The following PELI2 variants were observed in gnomAD, a reference collection of about 807,000 sequenced individuals.
PELI2 encodes the protein pellino E3 ubiquitin protein ligase family member 2.
In PELI2, 23 loss-of-function variants were observed where a neutral mutation model predicts 42.3. The observed-to-expected ratio is 0.54, with a 90% confidence interval of 0.39 to 0.77. The LOEUF (loss-of-function observed/expected upper bound fraction) is 0.77, where lower values mean the gene tolerates loss of function less well. PELI2 is among the 30% of genes least tolerant of loss of function. The pLI is 0.00. For synonymous variants in PELI2, 245 were observed against 212.2 expected (o/e 1.15, Z -1.34); for missense variants, 463 against 553.2 (o/e 0.84, Z 1.64).
At chr14:56,207,690 C>T (rs900451443) in intron 2 of PELI2, among the ~76,000 whole-genome samples, 3 of 152,312 alleles carry the variant, frequency 2.0e-5, no homozygotes, top group African/African-American at 7.2e-5. Flanking sequence ...TACAGAGCCC[C>T]TCACTCCAGG....
At chr14:56,119,578 G>C (rs1882988125) in intron 1 of PELI2, 3 of 160,536 alleles carry the variant, frequency 1.9e-5, no homozygotes, top group Non-Finnish European at 4.0e-5. Flanking sequence ...ATCGTTAAAC[G>C]GCAGCAATTA....
chr14:56,218,910 T>C (rs1248359260), intron 2 of PELI2, among the ~76,000 whole-genome samples: 1 of 152,150 alleles, frequency 6.6e-6, no homozygotes, highest in African/African-American at 2.4e-5. Flanking sequence ...TTTTCAGAGG[T>C]GGTAACTATG....
intron 2 of PELI2, among the ~76,000 whole-genome samples, chr14:56,196,760 T>C (rs1190324086): frequency 6.6e-6 from 1 of 152,260 alleles, no homozygotes; most frequent in Non-Finnish European, 1.5e-5. Context: ...ATATTTAAAT[T>C]CCTTGCCTAT....
At chr14:56,229,660 T>C (rs868392532) in intron 2 of PELI2, among the ~76,000 whole-genome samples, 1 of 152,094 alleles carries the variant, frequency 6.6e-6, no homozygotes, top group African/African-American at 2.4e-5. Context: ...GCAGAAAAGC[T>C]GAAAATTCTA....
At chr14:56,221,913 C>G (rs1887147084) in intron 2 of PELI2, among the ~76,000 whole-genome samples, 1 of 152,136 alleles carries the variant, frequency 6.6e-6, no homozygotes, top group Non-Finnish European at 1.5e-5. Context: ...ATGTGACAGC[C>G]ACGAGAGGAA....
chr14:56,226,332 C>G (rs569426961), intron 2 of PELI2, among the ~76,000 whole-genome samples: 2 of 152,314 alleles, frequency 1.3e-5, no homozygotes, highest in South Asian at 4.1e-4. Flanking sequence ...ATCAGCCTCA[C>G]TGGCCAGCCC....
chr14:56,230,776 A>G (rs1887532231), intron 2 of PELI2, among the ~76,000 whole-genome samples: 4 of 152,250 alleles, frequency 2.6e-5, no homozygotes, highest in Admixed American at 2.6e-4. Context: ...TAAATGGGCT[A>G]AATGTTCCAA....
At chr14:56,124,583 T>A (rs1199026877) in intron 1 of PELI2, among the ~76,000 whole-genome samples, 1 of 152,224 alleles carries the variant, frequency 6.6e-6, no homozygotes, top group Non-Finnish European at 1.5e-5. Flanking sequence ...CCCAAATATT[T>A]GAGCATCTGC....
intron 1 of PELI2, among the ~76,000 whole-genome samples, chr14:56,146,094 C>T (rs941564527): frequency 6.6e-6 from 1 of 152,124 alleles, no homozygotes; most frequent in Non-Finnish European, 1.5e-5. Flanking sequence ...TGACTCATCC[C>T]GGCAGAGGTT....
At chr14:56,135,045 C>G (rs3783655) in intron 1 of PELI2, among the ~76,000 whole-genome samples, 1 of 151,968 alleles carries the variant, frequency 6.6e-6, no homozygotes, top group Admixed American at 6.6e-5. Context: ...TTAAAAATTA[C>G]GTGTATAGTG....
At chr14:56,245,528 A>G (rs1445195952) in intron 2 of PELI2, among the ~76,000 whole-genome samples, 2 of 152,214 alleles carry the variant, frequency 1.3e-5, no homozygotes, top group Admixed American at 6.5e-5. Flanking sequence ...CTGGTTGGCA[A>G]AATTTGGAAT....
At chr14:56,193,689 A>G (rs1886031441) in intron 2 of PELI2, among the ~76,000 whole-genome samples, 1 of 152,256 alleles carries the variant, frequency 6.6e-6, no homozygotes, top group Non-Finnish European at 1.5e-5. Context: ...AAATATGTTA[A>G]TGACCAATAT....
chr14:56,129,039 C>T (rs1438658539), intron 1 of PELI2, among the ~76,000 whole-genome samples: 1 of 152,018 alleles, frequency 6.6e-6, no homozygotes, highest in Non-Finnish European at 1.5e-5. Context: ...TATCCAGTGC[C>T]TTTGGAATTG....
At chr14:56,119,749 G>C in intron 1 of PELI2, 1 of 977,096 alleles carries the variant, frequency 1.0e-6, no homozygotes, top group Non-Finnish European at 1.2e-6. Flanking sequence ...AACAACTTGG[G>C]TTTAGTGTTG....
At chr14:56,149,207 A>G (rs1884245769) in intron 1 of PELI2, among the ~76,000 whole-genome samples, 1 of 152,232 alleles carries the variant, frequency 6.6e-6, no homozygotes, top group Non-Finnish European at 1.5e-5. Flanking sequence ...AATAAAATTG[A>G]AACGAGTTGT....
intron 2 of PELI2, among the ~76,000 whole-genome samples, chr14:56,246,758 A>C (rs1888176252): frequency 6.6e-6 from 1 of 152,220 alleles, no homozygotes; most frequent in African/African-American, 2.4e-5. Flanking sequence ...TGTTCAAGGT[A>C]ATTTACCTAG....
rs750349133 is a variant in PELI2 at position 56,295,106 on chromosome 14, C to T, written c.697-1494C>T. On this transcript the variant is annotated intron_variant, in intron 5 of 5. Coordinates refer to ENST00000267460, the MANE Select transcript of PELI2 (RefSeq NM_021255.3). ...CGAGTCTAATTTCTTTCTCTCTAGT[C>T]CCTGTGCCTCTGTCTCTTGCCACTG... Among the ~76,000 whole-genome samples the T allele has an allele frequency of 2.0e-5, 3 of 152,132 alleles. No individual in the cohort carries two copies. In the South Asian group the frequency reaches 6.2e-4, roughly 32 times the overall value.
In PELI2 at chr14:56,146,937, C is replaced by T. The variant is rs995284462; in HGVS notation, c.77+28200C>T. Among the ~76,000 whole-genome samples, 5 of 152,154 alleles carry T rather than the reference C, an allele frequency of 3.3e-5. No individual in the cohort carries two copies. In the East Asian group the frequency reaches 7.7e-4, roughly 23 times the overall value. ...CTTTCATCACCATACATTGTTCCCTCCTGCCAGTCTGTGGTTAATTCCTGT... is the reference window on the plus strand; with the variant it reads ...CTTTCATCACCATACATTGTTCCCTTCTGCCAGTCTGTGGTTAATTCCTGT... On this transcript the variant is annotated intron_variant, in intron 1 of 5. Coordinates refer to ENST00000267460, the MANE Select transcript of PELI2 (RefSeq NM_021255.3).
At chr14:56,151,704 G>T (rs1884366703) in intron 1 of PELI2, among the ~76,000 whole-genome samples, 1 of 152,158 alleles carries the variant, frequency 6.6e-6, no homozygotes, top group Non-Finnish European at 1.5e-5. Flanking sequence ...TATGTAAAGT[G>T]CTTAGAACAG....
Sources: allele counts gnomAD v4.1 joint callset (sites outside exome capture counted in the v4.1 genomes callset), GRCh38; gene constraint gnomAD v4.1.1; transcripts MANE v1.5; gene names NCBI Gene and HGNC (gene_info 2026-07-23, HGNC 2026-07-21).